The following CACNA1E variants were observed in gnomAD, a reference collection of about 807,000 sequenced individuals.
CACNA1E encodes voltage-dependent R-type calcium channel subunit alpha-1E.
A neutral mutation model predicts 259.2 loss-of-function variants in CACNA1E; 40 were observed. That is an observed-to-expected ratio of 0.15 (90% CI 0.12 to 0.20). The LOEUF is 0.20. Among genes scored for constraint, CACNA1E ranks in the 10% least tolerant of loss-of-function variants. The pLI, the probability that CACNA1E is intolerant of heterozygous loss-of-function variation, is 1.00. For synonymous variants in CACNA1E, 1,104 were observed against 1,138.5 expected (o/e 0.97, Z 0.61); for missense variants, 1,874 against 3,040.1 (o/e 0.62, Z 9.02).
At chr1:181,731,627 G>A (rs1655487822) in intron 19 of CACNA1E, among the ~76,000 whole-genome samples, 1 of 152,100 alleles carries the variant, frequency 6.6e-6, no homozygotes, top group South Asian at 2.1e-4. Flanking sequence ...CAGGCTCAGG[G>A]AGGAGGTAAC....
At chr1:181,674,196 G>A (rs1461987082) in intron 7 of CACNA1E, among the ~76,000 whole-genome samples, 3 of 146,900 alleles carry the variant, frequency 2.0e-5, no homozygotes, top group African/African-American at 5.1e-5. Flanking sequence ...TGGCTAACAC[G>A]GTAAAACCCC....
Position 181,524,755 on chromosome 1 carries a change from C to T in CACNA1E, c.512+13245C>T, listed in dbSNP as rs539533075. Among the ~76,000 whole-genome samples, 4 of 152,304 alleles carry T rather than the reference C, an allele frequency of 2.6e-5. No individual in the cohort carries two copies. In the East Asian group the frequency reaches 7.7e-4, roughly 29 times the overall value. On this transcript the variant is annotated intron_variant, in intron 3 of 47. Coordinates refer to ENST00000367573, the MANE Select transcript of CACNA1E (RefSeq NM_001205293.3). The stretch of plus-strand genomic sequence containing the variant: ...TGATACACATTACTTCTAGTCACAT[C>T]CCATTGACAAGGAACAGCCATGTGG...
chr1:181,738,715 G>A (rs1360269755), intron 24 of CACNA1E, among the ~76,000 whole-genome samples: 1 of 152,236 alleles, frequency 6.6e-6, no homozygotes, highest in Non-Finnish European at 1.5e-5. Context: ...CCCAGTGCTT[G>A]TCTTGGCTGA....
At chr1:181,551,138 T>A (rs995961281) in intron 3 of CACNA1E, among the ~76,000 whole-genome samples, 1 of 152,192 alleles carries the variant, frequency 6.6e-6, no homozygotes, top group Non-Finnish European at 1.5e-5. Flanking sequence ...AGTTAGAGGA[T>A]GCCAAGGTCA....
At chr1:181,789,703 C>T (rs143340480) in intron 43 of CACNA1E, among the ~76,000 whole-genome samples, 33 of 152,308 alleles carry the variant, frequency 2.2e-4, no homozygotes, top group Non-Finnish European at 4.1e-4. Context: ...CAGTGGATCC[C>T]GTCAGGTTAA....
At chr1:181,490,093 C>T (rs1234769364) in intron 1 of CACNA1E, among the ~76,000 whole-genome samples, 1 of 152,148 alleles carries the variant, frequency 6.6e-6, no homozygotes. Context: ...TATGGTGTAT[C>T]TTTGCTCACT....
chr1:181,518,971 C>A (rs998670197), intron 3 of CACNA1E, among the ~76,000 whole-genome samples: 1 of 152,272 alleles, frequency 6.6e-6, no homozygotes, highest in South Asian at 2.1e-4. Context: ...TGTCTCCTGG[C>A]ATTGCATTCA....
In CACNA1E at chr1:181,732,925, A is replaced by G. The variant is rs932095325; in HGVS notation, c.2839A>G (p.Ser947Gly). 16 of 1,613,920 alleles carry G rather than the reference A, an allele frequency of 9.9e-6. No homozygotes were observed. Among genetic ancestry groups the G allele is most frequent in the Non-Finnish European group, 1.4e-5 (16 of 1,179,902 alleles). Residue 947 changes from serine (S) to glycine (G), a missense_variant, in exon 20 of 48, where the codon AGT becomes GGT. Transcript: ENST00000367573. This position sits in a 1 kb window ranked among gnomAD's most constrained non-coding sequence, Gnocchi z 5.5. ...SRSRSASQER[S>G]LDEAMPTEGE... is the part of the protein sequence containing the mutation. The stretch of plus-strand genomic sequence containing the variant: ...GAGCAGGTCTGCCAGCCAGGAACGC[A>G]GTCTGGATGAAGCCATGCCCACTGA...
intron 7 of CACNA1E, among the ~76,000 whole-genome samples, chr1:181,666,103 A>T (rs1648196079): frequency 6.6e-6 from 1 of 152,094 alleles, no homozygotes; most frequent in South Asian, 2.1e-4. Flanking sequence ...GTTTCATAAA[A>T]CTATGTCCTG....
intron 25 of CACNA1E, among the ~76,000 whole-genome samples, chr1:181,745,048 T>C (rs16858051): frequency 0.12 from 17,612 of 152,228 alleles, 1,053 homozygotes; most frequent in Admixed American, 0.16. Flanking sequence ...CCATGGACTT[T>C]TGAGGTGCCT....
rs747007545 is a variant in CACNA1E, at chr1:181,588,970, G to A, written c.951+8194G>A. On this transcript the variant is annotated intron_variant, in intron 6 of 47. Coordinates refer to ENST00000367573, the MANE Select transcript of CACNA1E (RefSeq NM_001205293.3). ...TGCCAGTATATGGCACACTAGGAAA[G>A]CCAAGAAGTCTTTATTCACTGTTCC... 3.3e-5 allele frequency among the ~76,000 whole-genome samples: 5 copies of A among 152,192 alleles called. No individual in the cohort carries two copies. In the South Asian group the frequency reaches 1.0e-3, roughly 32 times the overall value.
At chr1:181,680,675 C>A (rs1039110176) in intron 7 of CACNA1E, among the ~76,000 whole-genome samples, 1 of 152,230 alleles carries the variant, frequency 6.6e-6, no homozygotes, top group Non-Finnish European at 1.5e-5. Flanking sequence ...CACTTCACCA[C>A]ACCCCATCCC....
At chr1:181,505,525 C>T (rs1665635203) in intron 1 of CACNA1E, among the ~76,000 whole-genome samples, 1 of 152,136 alleles carries the variant, frequency 6.6e-6, no homozygotes, top group Admixed American at 6.5e-5. Context: ...GTGCGTGCCA[C>T]CATGCCTGGC....
intron 2 of CACNA1E, among the ~76,000 whole-genome samples, chr1:181,428,182 C>G (rs1211042929): frequency 6.6e-6 from 1 of 152,180 alleles, no homozygotes; most frequent in Non-Finnish European, 1.5e-5. Context: ...CTCTCAACAC[C>G]CCTCCTCAGC....
intron 2 of CACNA1E, among the ~76,000 whole-genome samples, chr1:181,460,675 T>C (rs1016802394): frequency 6.6e-6 from 1 of 152,216 alleles, no homozygotes; most frequent in African/African-American, 2.4e-5. Context: ...ATCAAGTAAC[T>C]CTCCGCCTTC....
At chr1:181,623,536 T>C (rs1655917489) in intron 6 of CACNA1E, among the ~76,000 whole-genome samples, 1 of 152,210 alleles carries the variant, frequency 6.6e-6, no homozygotes, top group Non-Finnish European at 1.5e-5. Context: ...TGAACAGCAA[T>C]AAAATACATT....
intron 6 of CACNA1E, among the ~76,000 whole-genome samples, chr1:181,631,057 C>G (rs965775956): frequency 6.6e-6 from 1 of 152,204 alleles, no homozygotes; most frequent in Non-Finnish European, 1.5e-5. Flanking sequence ...AGCCCCAGGG[C>G]TCTTTGAAGG....
intron 42 of CACNA1E, 42 bp downstream of exon 42, chr1:181,785,460 G>A (rs767502589): frequency 7.4e-7 from 1 of 1,352,584 alleles, no homozygotes; most frequent in Admixed American, 1.8e-5. Flanking sequence ...GGGCCATGAG[G>A]AGTTGCAGGA....
chr1:181,675,968 G>A (rs926836850), intron 7 of CACNA1E, among the ~76,000 whole-genome samples: 4 of 64,272 alleles, frequency 6.2e-5, no homozygotes, highest in Admixed American at 2.8e-4. Flanking sequence ...CCTCCCACCC[G>A]CCCTTTCTTA....
Sources: gnomAD v4.1 joint callset for allele counts (sites outside exome capture counted in the v4.1 genomes callset) on GRCh38, gnomAD v4.1.1 for gene constraint, Gnocchi (gnomAD v3.1) non-coding constraint, MANE v1.5 for transcripts, NCBI Gene and HGNC (gene_info 2026-07-23, HGNC 2026-07-21) for gene names.